The following RYR2 variants were observed in gnomAD, a reference collection of about 807,000 sequenced individuals.
The protein encoded by RYR2 is cardiac muscle ryanodine receptor-calcium release channel.
Under a neutral mutation model 601.1 loss-of-function variants are expected in RYR2, and 227 were observed. That is an observed-to-expected ratio of 0.38 (90% CI 0.34 to 0.42). The LOEUF (loss-of-function observed/expected upper bound fraction) is 0.42. RYR2 is among the 10% of genes least tolerant of loss of function. The probability of loss-of-function intolerance (pLI) is 1.00; values close to 1 mark genes in which losing one functional copy is unlikely to be tolerated. For missense variants in RYR2, 4,646 were observed against 6,156.5 expected, an observed-to-expected ratio of 0.75 and a Z score of 8.21; for synonymous variants, 2,223 against 2,175.1, an observed-to-expected ratio of 1.02 and a Z score of -0.61.
intron 1 of RYR2, among the ~76,000 whole-genome samples, chr1:237,257,592 G>C (rs1688114797): frequency 6.6e-6 from 1 of 152,124 alleles, no homozygotes; most frequent in African/African-American, 2.4e-5. Flanking sequence ...TCTACTATGT[G>C]CTGGGTACCA....
chr1:237,608,809 T>G (rs923131300), intron 35 of RYR2, among the ~76,000 whole-genome samples: 2 of 151,024 alleles, frequency 1.3e-5, no homozygotes, highest in Non-Finnish European at 3.0e-5. Flanking sequence ...TTTTTTTTTT[T>G]TTTTTTTTTT....
chr1:237,799,319 C>A (rs992820937), intron 97 of RYR2, among the ~76,000 whole-genome samples: 1 of 151,900 alleles, frequency 6.6e-6, no homozygotes, highest in Non-Finnish European at 1.5e-5. Flanking sequence ...GCTGAGCATC[C>A]CACAAACATT....
chr1:237,219,225 C>A (rs986156236), intron 1 of RYR2, among the ~76,000 whole-genome samples: 1 of 152,128 alleles, frequency 6.6e-6, no homozygotes, highest in Admixed American at 6.5e-5. Context: ...ACCATGTTGG[C>A]CAGGCTGGTC....
At chr1:237,105,590 G>A (rs946155723) in intron 1 of RYR2, among the ~76,000 whole-genome samples, 2 of 151,976 alleles carry the variant, frequency 1.3e-5, no homozygotes, top group Non-Finnish European at 2.9e-5. Context: ...CCAGCACTTC[G>A]GGAGGCTGAG....
chr1:237,384,768 ACT>A (rs945761241), intron 8 of RYR2, among the ~76,000 whole-genome samples: 3 of 151,602 alleles, frequency 2.0e-5, no homozygotes, highest in Non-Finnish European at 2.9e-5. Flanking sequence ...CCCATGAGAA[ACT>A]CTGCTCTCAT....
At chr1:237,484,287 A>C (rs1186448989) in intron 17 of RYR2, among the ~76,000 whole-genome samples, 2 of 152,158 alleles carry the variant, frequency 1.3e-5, no homozygotes, top group Non-Finnish European at 2.9e-5. Flanking sequence ...ATCCACATAC[A>C]TCTTGGTGTT....
At chr1:237,320,601 C>A (rs1008278461) in intron 2 of RYR2, among the ~76,000 whole-genome samples, 1 of 152,166 alleles carries the variant, frequency 6.6e-6, no homozygotes, top group East Asian at 1.9e-4. Flanking sequence ...CATTCCTTGG[C>A]CTCATATCCA....
At chr1:237,134,413 CGG>C (rs1431587466) in intron 1 of RYR2, among the ~76,000 whole-genome samples, 2 of 151,946 alleles carry the variant, frequency 1.3e-5, no homozygotes, top group Non-Finnish European at 2.9e-5. Context: ...ACAGTCATGG[CGG>C]AAGAGCAAGG....
intron 42 of RYR2, among the ~76,000 whole-genome samples, chr1:237,633,328 G>A (rs1379797843): frequency 6.6e-6 from 1 of 152,162 alleles, no homozygotes; most frequent in Non-Finnish European, 1.5e-5. Flanking sequence ...CTTTGAGAAT[G>A]CAGTAATAAG....
chr1:237,507,772 A>G (rs1665422247), intron 23 of RYR2, among the ~76,000 whole-genome samples: 1 of 152,254 alleles, frequency 6.6e-6, no homozygotes, highest in Non-Finnish European at 1.5e-5. Context: ...CAGGCATCAC[A>G]TAGCTAGTGA....
chr1:237,331,746 C>T (rs548376403), intron 3 of RYR2, among the ~76,000 whole-genome samples: 26 of 151,880 alleles, frequency 1.7e-4, no homozygotes, highest in African/African-American at 6.0e-4. Context: ...GACCTCCTGA[C>T]CTCGTGATCT....
rs878854157 is a variant in RYR2, at chr1:237,595,656, AGGTACGC to A, written c.4596+3_4596+9del. 1.8e-5 allele frequency: 29 copies of A among 1,607,716 alleles called. No individual in the cohort carries two copies. In the South Asian group the frequency reaches 3.1e-4, roughly 17 times the overall value. ...GGCAAGGAACTGAGCACATACTATC[AGGTACGC>A]GGTCAGTGATGATATCAGTCTTCTA... On this transcript the variant is annotated splice_donor_variant and splice_donor_5th_base_variant and coding_sequence_variant and intron_variant, in exon 34 of 105. Transcript: ENST00000366574. LOFTEE classifies it high-confidence loss of function.
chr1:237,045,981 T>C (rs1334437970), intron 1 of RYR2, among the ~76,000 whole-genome samples: 1 of 148,602 alleles, frequency 6.7e-6, no homozygotes, highest in African/African-American at 2.5e-5. Flanking sequence ...TATTTACCCA[T>C]AGATTGAGAC....
At chr1:237,639,903 C>A (rs1681289457) in intron 46 of RYR2, among the ~76,000 whole-genome samples, 2 of 152,136 alleles carry the variant, frequency 1.3e-5, no homozygotes, top group Non-Finnish European at 2.9e-5. Flanking sequence ...AGAGGGCACG[C>A]AATCCTGCAA....
At chr1:237,548,319 A>T in intron 25 of RYR2, 112 bp from the exon 26 acceptor site, 1 of 1,056,622 alleles carries the variant, frequency 9.5e-7, no homozygotes, top group Non-Finnish European at 1.4e-6. Flanking sequence ...ACCACTGGTT[A>T]CCACTGTGGT....
chr1:237,667,851 AT>A (rs1391109690), intron 57 of RYR2, 31 bp from the exon 58 acceptor site: 2 of 1,482,944 alleles, frequency 1.3e-6, no homozygotes, highest in African/African-American at 1.4e-5. Context: ...TTTTTTACTT[AT>A]TGAAACGATA....
At chr1:237,669,756 C>A (rs1346112366) in intron 58 of RYR2, among the ~76,000 whole-genome samples, 1 of 150,384 alleles carries the variant, frequency 6.6e-6, no homozygotes, top group South Asian at 2.1e-4. Flanking sequence ...GCGCTCCTCA[C>A]TTCCTAGATG....
intron 17 of RYR2, among the ~76,000 whole-genome samples, chr1:237,490,750 C>T (rs969127136): frequency 1.3e-5 from 2 of 152,160 alleles, no homozygotes; most frequent in African/African-American, 2.4e-5. Flanking sequence ...TAACAGTCCT[C>T]GTTTTGTAAT....
chr1:237,651,720 A>C (rs1274113550), intron 51 of RYR2, among the ~76,000 whole-genome samples: 1 of 152,176 alleles, frequency 6.6e-6, no homozygotes, highest in Non-Finnish European at 1.5e-5. Context: ...CATGGAAACA[A>C]TGGAAATAGA....
Sources: gnomAD v4.1 joint callset for allele counts (sites outside exome capture counted in the v4.1 genomes callset) on GRCh38, gnomAD v4.1.1 for gene constraint, MANE v1.5 for transcripts, NCBI Gene and HGNC (gene_info 2026-07-23, HGNC 2026-07-21) for gene names.